Variants in TECTA observed in about 807,000 individuals in gnomAD.
The protein encoded by TECTA is tectorin alpha, also known as alpha-tectorin.
TECTA carries 128 observed loss-of-function variants against 216.8 expected under a neutral mutation model. The observed-to-expected ratio is 0.59, with a 90% CI of 0.51 to 0.68. The LOEUF is 0.68. Ranked by LOEUF, TECTA falls within the 30% of genes least tolerant of loss-of-function variation. TECTA has a pLI of 0.00. For synonymous variants in TECTA, 1,089 were observed against 1,117.1 expected (o/e 0.97, Z 0.50); for missense variants, 2,551 against 2,786.2 (o/e 0.92, Z 1.90).
At chr11:121,131,925 A>G (rs1946679111) in intron 10 of TECTA, among the ~76,000 whole-genome samples, 3 of 152,266 alleles carry the variant, frequency 2.0e-5, no homozygotes, top group African/African-American at 7.2e-5. Flanking sequence ...TTGTCCCGTT[A>G]CACTGAGCAT....
chr11:121,118,472 C>A lies in TECTA; in HGVS notation c.957C>A (p.Thr319=), dbSNP rs780547599. The change falls in exon 7 of 24, where the codon ACC becomes ACA. Residue 319 remains threonine (T), a synonymous_variant. Transcript: ENST00000392793. ...TCTTCTACTGCAGCGCTGTGGAGAC[C>A]AGCACATGCGTGGTGTTTGGGGAGC... The part of the protein sequence containing the change: ...GKFFYCSAVE[T]STCVVFGEPH... The A allele has an allele frequency of 6.2e-7, 1 of 1,614,190 alleles. No homozygotes were observed. Among genetic ancestry groups the A allele is most frequent in the Non-Finnish European group, 8.5e-7 (1 of 1,180,038 alleles).
At chr11:121,124,313 C>G (rs1328892103) in intron 7 of TECTA, among the ~76,000 whole-genome samples, 1 of 152,166 alleles carries the variant, frequency 6.6e-6, no homozygotes, top group Non-Finnish European at 1.5e-5. Flanking sequence ...GTACCTCCAG[C>G]CTCATCTTCA....
chr11:121,186,238 A>G (rs1342856190), intron 20 of TECTA, among the ~76,000 whole-genome samples: 1 of 152,254 alleles, frequency 6.6e-6, no homozygotes, highest in African/African-American at 2.4e-5. Flanking sequence ...TTTTGGGGTC[A>G]GTTGTTTCTC....
intron 22 of TECTA, 64 bp downstream of exon 22, chr11:121,189,231 T>C: frequency 1.9e-6 from 3 of 1,547,832 alleles, no homozygotes; most frequent in Non-Finnish European, 2.7e-6. Flanking sequence ...GGCTCAGATG[T>C]GTTTCACCTC....
chr11:121,121,329 G>T (rs949910101), intron 7 of TECTA, among the ~76,000 whole-genome samples: 1 of 152,128 alleles, frequency 6.6e-6, no homozygotes, highest in Non-Finnish European at 1.5e-5. Flanking sequence ...TCCTCCCCCT[G>T]CCCCTACCCA....
intron 4 of TECTA, chr11:121,109,809 TG>T: frequency 2.6e-6 from 1 of 385,132 alleles, no homozygotes; most frequent in Non-Finnish European, 4.9e-6. Context: ...CTTGAGGCAC[TG>T]AGACCCATTC....
Position 121,113,424 on chromosome 11 carries a change from C to A in TECTA, c.625-129C>A. The A allele has an allele frequency of 6.9e-7, 1 of 1,448,918 alleles. No homozygotes were observed. The highest frequency in any genetic ancestry group is 9.6e-7 in the Non-Finnish European group (1 of 1,037,124). The allele number at this position is 1,448,918 out of a possible 1,614,324, so 89.8% of individuals were successfully genotyped here. On this transcript the variant is annotated intron_variant, in intron 5 of 23. Transcript: ENST00000392793. The surrounding 1 kb of genome is among the most constrained non-coding windows in gnomAD (Gnocchi z 4.2). ...AGTCCTTTCTCACCTAGAATGCTGG[C>A]CCCAGTGACTCCAGGAAAAGACGGC...
chr11:121,103,989 A>G (rs75446083), intron 2 of TECTA, among the ~76,000 whole-genome samples: 4 of 152,100 alleles, frequency 2.6e-5, no homozygotes, highest in African/African-American at 9.7e-5. Context: ...CTCCCTGGCC[A>G]TGGTTTTCCG....
Position 121,190,800 on chromosome 11 carries a change from C to T in TECTA, c.6462C>T (p.Thr2154=). The T allele has an allele frequency of 6.2e-7, 1 of 1,609,870 alleles. No individual in the cohort carries two copies. Among genetic ancestry groups the T allele is most frequent in the South Asian group, 1.1e-5 (1 of 90,866 alleles). Residue 2154 remains threonine (T), a synonymous_variant, in exon 24 of 24, where the codon ACC becomes ACT. Transcript: ENST00000392793. The part of the protein sequence containing the change: ...LWHFVYKSGT[T]S ...ATTTTGTCTATAAATCAGGCACGACCTCATAATTAACTCAAGGTTGCTATA... is the reference window on the plus strand; with the variant it reads ...ATTTTGTCTATAAATCAGGCACGACTTCATAATTAACTCAAGGTTGCTATA...
At chr11:121,137,146 G>C (rs937837835) in intron 10 of TECTA, among the ~76,000 whole-genome samples, 4 of 152,050 alleles carry the variant, frequency 2.6e-5, no homozygotes, top group Non-Finnish European at 5.9e-5. Flanking sequence ...ACACACACGT[G>C]CACATGCACA....
chr11:121,167,834 G>C (rs890345728), intron 18 of TECTA, among the ~76,000 whole-genome samples: 1 of 152,194 alleles, frequency 6.6e-6, no homozygotes, highest in African/African-American at 2.4e-5. Context: ...CCTTCCACGG[G>C]TATTCAAGGT....
rs749226296 is a variant in TECTA, at chr11:121,160,135, G to C, written c.4690G>C (p.Val1564Leu). ...ATTTTCTTTTTTCCTCCTCCAATAG[G>C]TGAATGGCACACAAGTGAATGTTCC... ...ILINDRNTVK[V>L]NGTQVNVPFI... Residue 1564 changes from valine to leucine, a missense_variant and splice_region_variant, in exon 15 of 24, where the codon GTG becomes CTG. Val to Leu is a conservative substitution (Grantham distance 32). This residue lies in a region of TECTA where 2,375 missense variants were observed against 2,563.9 expected (regional missense o/e 0.93). Transcript: ENST00000392793. 1 of 1,614,162 alleles carries C rather than the reference G, an allele frequency of 6.2e-7. No individual in the cohort carries two copies. Among genetic ancestry groups the C allele is most frequent in the South Asian group, 1.1e-5 (1 of 91,084 alleles).
intron 20 of TECTA, among the ~76,000 whole-genome samples, chr11:121,170,452 T>C (rs766344860): frequency 2.6e-5 from 4 of 152,182 alleles, no homozygotes; most frequent in Admixed American, 6.5e-5. Flanking sequence ...GGTTTTGTTT[T>C]GTTTTGCTTT....
chr11:121,115,323 T>G (rs1456496418), intron 6 of TECTA, among the ~76,000 whole-genome samples: 1 of 152,208 alleles, frequency 6.6e-6, no homozygotes, highest in African/African-American at 2.4e-5. Flanking sequence ...AAAAGCATTT[T>G]AAGAGCCCCA....
chr11:121,183,524 G>A lies in TECTA; in HGVS notation c.6000-4308G>A, dbSNP rs1484861909. Among the ~76,000 whole-genome samples, 4 of 152,262 alleles carry A rather than the reference G, an allele frequency of 2.6e-5. No individual in the cohort carries two copies. In the South Asian group the frequency reaches 6.2e-4, roughly 24 times the overall value. ...TTTCTCCTGGCTCCAAGCTGACCCT[G>A]GCAGGGCCAACTGCTTTGTTTCCCT... On this transcript the variant is annotated intron_variant, in intron 20 of 23. Coordinates refer to ENST00000392793, the MANE Select transcript of TECTA (RefSeq NM_005422.4).
chr11:121,189,122 G>A lies in TECTA; in HGVS notation c.6205G>A (p.Glu2069Lys), dbSNP rs758548198. ...NSRIATDYTK[E>K]PKEQIISVGP... ...CAGGATTGCCACAGATTACACAAAA[G>A]AGCCCAAAGAACAGATCATTTCAGT... The change falls in exon 22 of 24, where the codon GAG (glutamate) becomes AAG (lysine). Residue 2069 changes from glutamate (E) to lysine (K), a missense_variant. By Grantham distance (56) the Glu-to-Lys change is moderately conservative. Around this residue, in one of 3 missense-constraint regions of TECTA, gnomAD observed 118 missense variants for 116.4 expected, o/e 1.01. Transcript: ENST00000392793. 3 of 1,614,108 alleles carry A rather than the reference G, an allele frequency of 1.9e-6. 1 individual carries two copies. In the East Asian group the frequency reaches 6.7e-5, roughly 36 times the overall value.
rs764630469 is a variant in TECTA, at chr11:121,127,821, C to T, written c.1844C>T (p.Ser615Phe). ...ACAAGCAGCTGCCCCGACACATGCTCCGACCTGACGGCCTCGCGGAACTGC... is the reference window on the plus strand; with the variant it reads ...ACAAGCAGCTGCCCCGACACATGCTTCGACCTGACGGCCTCGCGGAACTGC... ...VCTSSCPDTC[S>F]DLTASRNCAT... Residue 615 changes from serine (S) to phenylalanine (F), a missense_variant, in exon 9 of 24, where the codon TCC becomes TTC. Physicochemically the swap from Ser to Phe is radical, Grantham distance 155. Coordinates refer to ENST00000392793, the MANE Select transcript of TECTA (RefSeq NM_005422.4). The surrounding 1 kb of genome is among the most constrained non-coding windows in gnomAD (Gnocchi z 5.0). 1.2e-6 allele frequency: 2 copies of T among 1,614,206 alleles called. No homozygotes were observed. Among genetic ancestry groups the T allele is most frequent in the Admixed American group, 3.3e-5 (2 of 60,032 alleles).
At position 121,113,285 on chromosome 11, in the gene TECTA, G is replaced by A; in HGVS notation, c.624+76G>A. 1.2e-6 allele frequency: 2 copies of A among 1,608,706 alleles called. No homozygotes were observed. The highest frequency in any genetic ancestry group is 1.7e-6 in the Non-Finnish European group (2 of 1,178,934). ...TGCTTCTGTGGCTCAGCATCCTGGA[G>A]GGAATCCTGCCACCAGCTTTTAACT... On this transcript the variant is annotated intron_variant, in intron 5 of 23. Coordinates refer to ENST00000392793, the MANE Select transcript of TECTA (RefSeq NM_005422.4). This position sits in a 1 kb window ranked among gnomAD's most constrained non-coding sequence, Gnocchi z 4.2.
chr11:121,142,027 C>T (rs1294403961), intron 11 of TECTA, among the ~76,000 whole-genome samples: 4 of 152,136 alleles, frequency 2.6e-5, no homozygotes, highest in African/African-American at 9.7e-5. Context: ...TGGAGGATTA[C>T]ACTTGCCAGG....
Sources: gnomAD v4.1 joint callset for allele counts (sites outside exome capture counted in the v4.1 genomes callset) on GRCh38, gnomAD v4.1.1 for gene constraint, gnomAD v4.1.1 regional missense constraint, Gnocchi (gnomAD v3.1) non-coding constraint, MANE v1.5 for transcripts, NCBI Gene and HGNC (gene_info 2026-07-23, HGNC 2026-07-21) for gene names.